The following ASXL1 variants were observed in gnomAD, a reference collection of about 807,000 sequenced individuals.
ASXL1 encodes the protein polycomb group protein ASXL1.
In ASXL1, 65 loss-of-function variants were observed where a neutral mutation model predicts 89.1. The observed-to-expected ratio is 0.73, with a 90% CI of 0.60 to 0.90. The LOEUF (loss-of-function observed/expected upper bound fraction) is 0.90. Among genes scored for constraint, ASXL1 ranks in the 40% least tolerant of loss-of-function variants. ASXL1 has a pLI of 0.00. For missense variants in ASXL1, 1,786 were observed against 1,942.9 expected (o/e 0.92, Z 1.52); for synonymous variants, 739 against 746.9 (o/e 0.99, Z 0.17).
rs755989932 is a variant in ASXL1 at position 32,435,273 on chromosome 20, CTGAT to C, written c.2564_2567del (p.Asp855AlafsTer11). 3 of 1,614,160 alleles carry C rather than the reference CTGAT, an allele frequency of 1.9e-6. No individual in the cohort carries two copies. The highest frequency in any genetic ancestry group is 1.7e-6 in the Non-Finnish European group (2 of 1,180,042). On this transcript the variant is annotated frameshift_variant, in exon 13 of 13. Coordinates refer to ENST00000375687, the MANE Select transcript of ASXL1 (RefSeq NM_015338.6). LOFTEE classifies it low-confidence loss of function (END_TRUNC). ...AGTTCCACACCTGAATCCTCACCGA[CTGAT>C]TGCCTGCAGAACAGAGCATTTGATG...
intron 4 of ASXL1, chr20:32,427,328 C>T (rs950280715): frequency 2.0e-5 from 3 of 152,656 alleles, no homozygotes; most frequent in African/African-American, 7.2e-5. Context: ...GGACATCTTT[C>T]ATAGTGTCTA....
At chr20:32,422,299 G>C (rs2049271777) in intron 4 of ASXL1, among the ~76,000 whole-genome samples, 1 of 150,946 alleles carries the variant, frequency 6.6e-6, no homozygotes, top group South Asian at 2.1e-4. Flanking sequence ...GTACACCTAA[G>C]ATCTGTGCAT....
chr20:32,409,529 A>G (rs371613457), intron 4 of ASXL1, among the ~76,000 whole-genome samples: 216 of 152,330 alleles, frequency 1.4e-3, no homozygotes, highest in African/African-American at 4.9e-3. Context: ...CCACATTGCA[A>G]TTATCAATGT....
In ASXL1 at chr20:32,435,060, C is replaced by T. The variant is rs375321203; in HGVS notation, c.2348C>T (p.Pro783Leu). The T allele has an allele frequency of 3.5e-5, 56 of 1,613,952 alleles. No homozygotes were observed. Among genetic ancestry groups the T allele is most frequent in the Non-Finnish European group, 4.2e-5 (49 of 1,180,030 alleles). The change falls in exon 13 of 13, where the codon CCG becomes CTG. Residue 783 changes from proline to leucine, a missense_variant. Pro to Leu is a moderately conservative substitution (Grantham distance 98). Coordinates refer to ENST00000375687, the MANE Select transcript of ASXL1 (RefSeq NM_015338.6). ...TTAGTGGAGCAGCCTCAGTTGCATC[C>T]GGATGTTAGAACTGAATGTGAGTCT... is the stretch of plus-strand genomic sequence containing the variant. The part of the protein sequence containing the change: ...ERLVEQPQLH[P>L]DVRTECESGT...
chr20:32,432,828 C>T (rs2011561574), intron 10 of ASXL1, 52 bp from the exon 11 acceptor site: 1 of 1,601,844 alleles, frequency 6.2e-7, no homozygotes, highest in South Asian at 1.1e-5. Flanking sequence ...GTCCATAAGA[C>T]AGACATTAAT....
chr20:32,420,669 G>A (rs1239437648), intron 4 of ASXL1, among the ~76,000 whole-genome samples: 2 of 152,002 alleles, frequency 1.3e-5, no homozygotes, highest in Admixed American at 1.3e-4. Context: ...CAGCTTTCCT[G>A]TAAAATTGAA....
intron 4 of ASXL1, among the ~76,000 whole-genome samples, chr20:32,418,877 G>A (rs2049187937): frequency 8.5e-6 from 1 of 117,048 alleles, no homozygotes; most frequent in Admixed American, 1.2e-4. Context: ...CTGTCACCCA[G>A]GCTGGAATGC....
intron 11 of ASXL1, 123 bp downstream of exon 11, chr20:32,433,108 A>G (rs2011577176): frequency 1.3e-6 from 2 of 1,538,426 alleles, no homozygotes; most frequent in Non-Finnish European, 1.8e-6. Flanking sequence ...CACTTGGGTC[A>G]TTTATCTTAA....
At chr20:32,411,031 CAAA>C (rs1257482301) in intron 4 of ASXL1, among the ~76,000 whole-genome samples, 1 of 27,682 alleles carries the variant, frequency 3.6e-5, no homozygotes, top group Non-Finnish European at 7.7e-5. Flanking sequence ...GACTCTGTCT[CAAA>C]AAAAAAAAAA....
At position 32,435,079 on chromosome 20, in the gene ASXL1, T is replaced by A. The variant is rs1163284834; in HGVS notation, c.2367T>A (p.Cys789Ter). 1 of 1,613,986 alleles carries A rather than the reference T, an allele frequency of 6.2e-7. No individual in the cohort carries two copies. The highest frequency in any genetic ancestry group is 8.5e-7 in the Non-Finnish European group (1 of 1,180,012). The change falls in exon 13 of 13, where the codon TGT (cysteine) becomes TGA (stop). Residue 789 changes from cysteine (C) to a stop codon, truncating the protein, a stop_gained. Transcript: ENST00000375687. LOFTEE classifies it low-confidence loss of function (END_TRUNC). ...PQLHPDVRTECESGTTSWESD... is the reference protein window; with the variant it reads ...PQLHPDVRTE Reference sequence around the variant, plus strand: ...TGCATCCGGATGTTAGAACTGAATGTGAGTCTGGCACCACTTCCTGGGAAA... The same window carrying A: ...TGCATCCGGATGTTAGAACTGAATGAGAGTCTGGCACCACTTCCTGGGAAA...
intron 4 of ASXL1, chr20:32,427,882 A>G: frequency 2.1e-6 from 1 of 471,650 alleles, no homozygotes; most frequent in Non-Finnish European, 3.9e-6. Context: ...CAGAACTAAC[A>G]TGGTATAGCT....
chr20:32,384,097 T>C (rs1294233612), intron 4 of ASXL1, among the ~76,000 whole-genome samples: 2 of 152,220 alleles, frequency 1.3e-5, no homozygotes, highest in South Asian at 2.1e-4. Flanking sequence ...GCTGCCTGTT[T>C]TGTTGCAAAC....
At chr20:32,360,185 G>A (rs2048086862) in intron 1 of ASXL1, 1 of 194,988 alleles carries the variant, frequency 5.1e-6, no homozygotes, top group African/African-American at 2.3e-5. Flanking sequence ...TTGGGCTACA[G>A]AATTTTCATT....
At chr20:32,380,253 C>G (rs1031375464) in intron 4 of ASXL1, among the ~76,000 whole-genome samples, 1 of 151,888 alleles carries the variant, frequency 6.6e-6, no homozygotes, top group African/African-American at 2.4e-5. Flanking sequence ...GCACTGTAGC[C>G]TGGGCGACAA....
At chr20:32,373,990 T>A (rs1600483753) in intron 4 of ASXL1, among the ~76,000 whole-genome samples, 2 of 152,222 alleles carry the variant, frequency 1.3e-5, no homozygotes, top group Non-Finnish European at 2.9e-5. Context: ...TAGACATGTC[T>A]TATATATGTG....
At chr20:32,373,197 C>A (rs986251331) in intron 4 of ASXL1, among the ~76,000 whole-genome samples, 1 of 148,482 alleles carries the variant, frequency 6.7e-6, no homozygotes, top group Non-Finnish European at 1.5e-5. Context: ...GCCAACATGG[C>A]GAAACCCCGT....
In ASXL1 at chr20:32,431,575, C is replaced by A. The variant is rs2123236701; in HGVS notation, c.883-8C>A. On this transcript the variant is annotated splice_region_variant and splice_polypyrimidine_tract_variant and intron_variant, in intron 9 of 12. Coordinates refer to ENST00000375687, the MANE Select transcript of ASXL1 (RefSeq NM_015338.6). ...TATTAGGATTTTTTTCCCCCTTGAT[C>A]CTTCTAGGTGGGGACGGATGGCCTG... 1 of 1,614,120 alleles carries A rather than the reference C, an allele frequency of 6.2e-7. No individual in the cohort carries two copies. The highest frequency in any genetic ancestry group is 8.5e-7 in the Non-Finnish European group (1 of 1,180,020).
chr20:32,435,525 C>G lies in ASXL1; in HGVS notation c.2813C>G (p.Pro938Arg), dbSNP rs2011783821. The change falls in exon 13 of 13, where the codon CCT (proline) becomes CGT (arginine). Residue 938 changes from proline to arginine, a missense_variant. Coordinates refer to ENST00000375687, the MANE Select transcript of ASXL1 (RefSeq NM_015338.6). ...TGGGAGAAAGCTGCTCCCACCCCTC[C>G]TGCATTGCCTGGGGATTTGACAGCT... is the stretch of plus-strand genomic sequence containing the variant. ...EEWEKAAPTP[P>R]ALPGDLTAEE... The G allele has an allele frequency of 1.2e-6, 2 of 1,613,948 alleles. No individual in the cohort carries two copies. Among genetic ancestry groups the G allele is most frequent in the Non-Finnish European group, 1.7e-6 (2 of 1,180,042 alleles).
At chr20:32,360,990 G>A (rs1049973505) in intron 1 of ASXL1, among the ~76,000 whole-genome samples, 2 of 152,056 alleles carry the variant, frequency 1.3e-5, no homozygotes, top group Non-Finnish European at 2.9e-5. Context: ...TAGGTTATCC[G>A]CCCACCTTGG....
Sources: gnomAD v4.1 joint callset for allele counts (sites outside exome capture counted in the v4.1 genomes callset) on GRCh38, gnomAD v4.1.1 for gene constraint, MANE v1.5 for transcripts, NCBI Gene and HGNC (gene_info 2026-07-23, HGNC 2026-07-21) for gene names.